The following ROBO2 variants were observed in gnomAD, a reference collection of about 807,000 sequenced individuals.
ROBO2 encodes the protein roundabout guidance receptor 2.
In ROBO2, 53 loss-of-function variants were observed where a neutral mutation model predicts 160.8. The ratio of observed to expected loss-of-function variants is 0.33; its 90% CI spans 0.26 to 0.41. The LOEUF (loss-of-function observed/expected upper bound fraction) is 0.41, where lower values mean the gene tolerates loss of function less well. ROBO2 is among the 10% of genes least tolerant of loss of function. The pLI is 1.00. For synonymous variants in ROBO2, 664 were observed against 611.7 expected (o/e 1.09, Z -1.26); for missense variants, 1,577 against 1,722.4 (o/e 0.92, Z 1.49).
chr3:76,349,326 C>A (rs1329730644), intron 2 of ROBO2, among the ~76,000 whole-genome samples: 3 of 151,942 alleles, frequency 2.0e-5, no homozygotes, highest in Non-Finnish European at 4.4e-5. Context: ...ATAAATAATA[C>A]TAATAGCAGG....
chr3:77,026,894 A>G (rs2063003142), intron 2 of ROBO2, among the ~76,000 whole-genome samples: 1 of 152,208 alleles, frequency 6.6e-6, no homozygotes, highest in Non-Finnish European at 1.5e-5. Context: ...ATCTACAAAT[A>G]GGTACAGACA....
intron 2 of ROBO2, among the ~76,000 whole-genome samples, chr3:76,030,236 GT>G (rs1188535670): frequency 1.2e-4 from 18 of 148,102 alleles, no homozygotes; most frequent in Admixed American, 4.7e-4. Context: ...TTGTAAATTT[GT>G]TTAAGTTCCT....
chr3:76,849,881 C>T (rs1360405996), intron 2 of ROBO2, among the ~76,000 whole-genome samples: 3 of 152,140 alleles, frequency 2.0e-5, no homozygotes, highest in Non-Finnish European at 4.4e-5. Context: ...TCCTAGGATA[C>T]AAGAATATAT....
At chr3:76,034,858 T>A (rs1031944976) in intron 2 of ROBO2, among the ~76,000 whole-genome samples, 1 of 152,108 alleles carries the variant, frequency 6.6e-6, no homozygotes, top group African/African-American at 2.4e-5. Flanking sequence ...AAACTGCCTG[T>A]AATTTTCTCA....
chr3:76,027,061 C>A (rs1400968886), intron 2 of ROBO2, among the ~76,000 whole-genome samples: 1 of 151,914 alleles, frequency 6.6e-6, no homozygotes, highest in Non-Finnish European at 1.5e-5. Flanking sequence ...TCATTTCTAT[C>A]GTTCTATAAA....
rs2092995116 is a variant in ROBO2, at chr3:77,553,426, T to C, written c.1231+2437T>C. Among the ~76,000 whole-genome samples the C allele has an allele frequency of 2.0e-5, 3 of 152,034 alleles. No individual in the cohort carries two copies. In the South Asian group the frequency reaches 6.2e-4, roughly 32 times the overall value. ...CAGTATCTCTACAGTGGCCTCCATG[T>C]GTTCAAGTGAAAAGTCACATGTCTC... On this transcript the variant is annotated intron_variant, in intron 8 of 25. Transcript: ENST00000461745.
chr3:77,186,090 G>A (rs896013252), intron 2 of ROBO2, among the ~76,000 whole-genome samples: 2 of 151,872 alleles, frequency 1.3e-5, no homozygotes, highest in African/African-American at 4.8e-5. Context: ...TGTACTGCTC[G>A]GGTGATGGGT....
intron 2 of ROBO2, among the ~76,000 whole-genome samples, chr3:77,275,718 G>T (rs2059782480): frequency 1.3e-5 from 2 of 151,966 alleles, no homozygotes; most frequent in African/African-American, 2.4e-5. Context: ...GTATCAAATG[G>T]ATAAAGTTTA....
intron 2 of ROBO2, among the ~76,000 whole-genome samples, chr3:76,893,399 G>A (rs796669973): frequency 1.3e-5 from 2 of 151,946 alleles, no homozygotes; most frequent in Admixed American, 1.3e-4. Context: ...AGATCATTGG[G>A]GAAGAGCAGG....
intron 2 of ROBO2, among the ~76,000 whole-genome samples, chr3:76,168,652 A>G (rs960545198): frequency 2.0e-5 from 3 of 152,176 alleles, no homozygotes; most frequent in Non-Finnish European, 2.9e-5. Context: ...TTGAGAGGTT[A>G]ATTATACTAA....
At chr3:76,224,854 G>T (rs1193138155) in intron 2 of ROBO2, among the ~76,000 whole-genome samples, 3 of 151,990 alleles carry the variant, frequency 2.0e-5, no homozygotes, top group Non-Finnish European at 4.4e-5. Flanking sequence ...TAAACACGAG[G>T]TCTATAATTA....
chr3:76,946,663 C>G (rs2078565032), intron 2 of ROBO2, among the ~76,000 whole-genome samples: 1 of 152,168 alleles, frequency 6.6e-6, no homozygotes, highest in Non-Finnish European at 1.5e-5. Flanking sequence ...GTCTCGAACT[C>G]CTAACCTCAA....
At chr3:76,288,869 A>C (rs905756773) in intron 2 of ROBO2, among the ~76,000 whole-genome samples, 5 of 152,178 alleles carry the variant, frequency 3.3e-5, no homozygotes, top group African/African-American at 1.2e-4. Context: ...TCTGTACCAT[A>C]TAATATTTTT....
At chr3:76,429,486 T>G (rs537702386) in intron 2 of ROBO2, among the ~76,000 whole-genome samples, 1 of 152,308 alleles carries the variant, frequency 6.6e-6, no homozygotes, top group South Asian at 2.1e-4. Context: ...AAATTTTACT[T>G]CTTGATTTTC....
chr3:76,894,814 G>A (rs574581384), intron 2 of ROBO2, among the ~76,000 whole-genome samples: 1 of 152,070 alleles, frequency 6.6e-6, no homozygotes, highest in Non-Finnish European at 1.5e-5. Context: ...TCTGAATCAT[G>A]TGATGGTTTT....
intron 2 of ROBO2, among the ~76,000 whole-genome samples, chr3:76,712,751 G>C (rs1232027899): frequency 6.6e-6 from 1 of 151,630 alleles, no homozygotes; most frequent in East Asian, 1.9e-4. Context: ...TACATTATAG[G>C]AGCAGCTATA....
chr3:77,176,148 A>G (rs2080129072), intron 2 of ROBO2, among the ~76,000 whole-genome samples: 2 of 152,034 alleles, frequency 1.3e-5, no homozygotes, highest in Admixed American at 1.3e-4. Context: ...ATCATAAACA[A>G]TAAAAGGAAA....
At chr3:76,400,379 A>G (rs1215507973) in intron 2 of ROBO2, among the ~76,000 whole-genome samples, 2 of 151,634 alleles carry the variant, frequency 1.3e-5, no homozygotes, top group African/African-American at 4.8e-5. Flanking sequence ...CAACATCTAG[A>G]TACCAAAGTT....
At position 76,563,404 on chromosome 3, in the gene ROBO2, G is replaced by A. The variant is rs2084320036; in HGVS notation, c.110-534610G>A. The stretch of plus-strand genomic sequence containing the variant: ...GCAACTCAAAACATGTTTGATTGCT[G>A]CTTGTTGAGAATCTTGTAAATGTTT... On this transcript the variant is annotated intron_variant, in intron 2 of 26. Coordinates refer to the ROBO2 transcript ENST00000487694. 2.6e-5 allele frequency among the ~76,000 whole-genome samples: 4 copies of A among 152,244 alleles called. No individual in the cohort carries two copies. The South Asian group carries it at 8.3e-4, about 32-fold the overall frequency.
Sources: allele counts gnomAD v4.1 joint callset (sites outside exome capture counted in the v4.1 genomes callset), GRCh38; gene constraint gnomAD v4.1.1; transcripts MANE v1.5; gene names NCBI Gene and HGNC (gene_info 2026-07-23, HGNC 2026-07-21).